The following PTPRC variants were observed in gnomAD, a reference collection of about 807,000 sequenced individuals.
PTPRC encodes receptor-type tyrosine-protein phosphatase C.
A neutral mutation model predicts 155.9 loss-of-function variants in PTPRC; 44 were observed. The observed-to-expected ratio is 0.28, with a 90% CI of 0.22 to 0.36. PTPRC has a LOEUF of 0.36. Among genes scored for constraint, PTPRC ranks in the 10% least tolerant of loss-of-function variants. The pLI is 1.00. For synonymous variants in PTPRC, 525 were observed against 533.1 expected (o/e 0.98, Z 0.21); for missense variants, 1,401 against 1,564.6 (o/e 0.90, Z 1.76).
chr1:198,730,900 A>T (rs1014151882), intron 17 of PTPRC, among the ~76,000 whole-genome samples: 4 of 152,172 alleles, frequency 2.6e-5, no homozygotes. Flanking sequence ...AATTAATATG[A>T]TTACTGAAAG....
intron 12 of PTPRC, among the ~76,000 whole-genome samples, chr1:198,715,722 C>T (rs1401061030): frequency 6.6e-6 from 1 of 151,706 alleles, no homozygotes; most frequent in Non-Finnish European, 1.5e-5. Context: ...ATAGTGAGTA[C>T]CAACTAATAG....
chr1:198,724,536 C>CA (rs1318456196), intron 15 of PTPRC, among the ~76,000 whole-genome samples: 3 of 151,956 alleles, frequency 2.0e-5, no homozygotes, highest in Admixed American at 6.5e-5. Flanking sequence ...TTCTCCCATA[C>CA]AAAAAAAATT....
rs756815638 is a variant in PTPRC at position 198,666,240 on chromosome 1, CAAAA to C, written c.74-26090_74-26087del. On this transcript the variant is annotated intron_variant, in intron 2 of 32. Transcript: ENST00000442510. ...TGGGCAACAGAGCAAGACCCTGTCT[CAAAA>C]AAAAAAAAAAAAAAAAGAGAGATGT... Among the ~76,000 whole-genome samples, 14 of 101,748 alleles carry C rather than the reference CAAAA, an allele frequency of 1.4e-4. No individual in the cohort carries two copies. The South Asian group carries it at 1.7e-3, about 12-fold the overall frequency. The allele number at this position is 101,748 out of a possible 152,430, so 66.8% of individuals were successfully genotyped here.
intron 28 of PTPRC, 51 bp downstream of exon 28, chr1:198,749,600 T>C (rs775631586): frequency 6.4e-7 from 1 of 1,564,986 alleles, no homozygotes; most frequent in Admixed American, 1.7e-5. Context: ...TAAAATAATA[T>C]CTATGTTATT....
chr1:198,728,595 A>G (rs1488310916), intron 16 of PTPRC, 147 bp downstream of exon 16: 1 of 909,618 alleles, frequency 1.1e-6, no homozygotes, highest in Non-Finnish European at 1.6e-6. Flanking sequence ...ACAACTTTTA[A>G]TCAAAAACTT....
At chr1:198,694,973 G>A (rs3767747) in intron 3 of PTPRC, 187,841 of 976,886 alleles carry the variant, frequency 0.19, 20,056 homozygotes, top group African/African-American at 0.42. Context: ...ATTTGGTTAT[G>A]AAAATCTAGA....
In PTPRC at chr1:198,696,725, A is replaced by G. The variant is rs917339656; in HGVS notation, c.114A>G (p.Ala38=). 6 of 1,613,652 alleles carry G rather than the reference A, an allele frequency of 3.7e-6. No individual in the cohort carries two copies. In the African/African-American group the frequency reaches 8.0e-5, roughly 22 times the overall value. The stretch of plus-strand genomic sequence containing the variant: ...ATTAATTAACAGGATTGACTACAGC[A>G]AAGATGCCCAGTGTTCCACTTTCAA... ...PTPSPTGLTT[A]KMPSVPLSSD... Residue 38 remains alanine, a synonymous_variant, in exon 4 of 33, where the codon GCA becomes GCG. Coordinates refer to ENST00000442510, the MANE Select transcript of PTPRC (RefSeq NM_002838.5).
In PTPRC at chr1:198,708,123, T is replaced by G. The variant is rs375045983; in HGVS notation, c.905-10T>G. ...TACTAATCAAGTTTATTTCTGTATC[T>G]TCTTGTCAGGGGTTGAAAAGTTTCA... On this transcript the variant is annotated splice_polypyrimidine_tract_variant and intron_variant, in intron 9 of 32. Transcript: ENST00000442510. 42 of 1,597,766 alleles carry G rather than the reference T, an allele frequency of 2.6e-5. No individual in the cohort carries two copies. Among genetic ancestry groups the G allele is most frequent in the African/African-American group, 5.4e-5 (4 of 74,500 alleles).
At chr1:198,702,268 A>C in intron 5 of PTPRC, 119 bp from the exon 6 acceptor site, 5 of 1,279,940 alleles carry the variant, frequency 3.9e-6, no homozygotes, top group Non-Finnish European at 4.6e-6. Context: ...GTATAGCAGA[A>C]GTGCTTGAAG....
Position 198,742,376 on chromosome 1 carries a change from T to C in PTPRC, c.2697+9T>C, listed in dbSNP as rs751738626. ...TGATGGTTCAAGTAGAGGTATGTTC[T>C]AACCTTTAGTGATTATTCTCACTTT... is the stretch of plus-strand genomic sequence containing the variant. On this transcript the variant is annotated intron_variant, in intron 25 of 32. Transcript: ENST00000442510. 2 of 1,611,558 alleles carry C rather than the reference T, an allele frequency of 1.2e-6. No homozygotes were observed. Among genetic ancestry groups the C allele is most frequent in the Non-Finnish European group, 1.7e-6 (2 of 1,178,304 alleles).
intron 5 of PTPRC, among the ~76,000 whole-genome samples, chr1:198,702,173 A>G (rs538715345): frequency 1.3e-5 from 2 of 152,340 alleles, no homozygotes; most frequent in South Asian, 4.1e-4. Context: ...GAAGCTGCAT[A>G]GGTTTCCAGT....
In PTPRC at chr1:198,754,296, T is replaced by C. The variant is rs191520732; in HGVS notation, c.3537T>C (p.Phe1179=). 6.2e-6 allele frequency: 10 copies of C among 1,611,618 alleles called. No homozygotes were observed. The South Asian group carries it at 8.8e-5, about 14-fold the overall frequency. ...CRDGSQQTGI[F]CALLNLLESA... ...ATGGATCTCAGCAAACGGGAATATT[T>C]TGTGCTTTGTTAAATCTCTTAGAAA... Residue 1179 remains phenylalanine (F), a synonymous_variant, in exon 32 of 33, where the codon TTT becomes TTC. Transcript: ENST00000442510.
At chr1:198,642,313 C>A (rs12401369) in intron 2 of PTPRC, among the ~76,000 whole-genome samples, 59,149 of 151,704 alleles carry the variant, frequency 0.39, 11,967 homozygotes, top group East Asian at 0.68. Flanking sequence ...TGTAGATACT[C>A]ACACATAAAC....
intron 30 of PTPRC, 68 bp downstream of exon 30, chr1:198,752,439 T>A: frequency 6.3e-7 from 1 of 1,583,860 alleles, no homozygotes; most frequent in South Asian, 1.1e-5. Context: ...GAATATAAAT[T>A]ACTCTATGCA....
chr1:198,656,705 G>C (rs1663598205), intron 2 of PTPRC, among the ~76,000 whole-genome samples: 1 of 145,972 alleles, frequency 6.9e-6, no homozygotes, highest in African/African-American at 2.6e-5. Context: ...GAAGTTTACT[G>C]ATCTGTAGTT....
chr1:198,708,880 T>C (rs1412200433), intron 10 of PTPRC, among the ~76,000 whole-genome samples: 2 of 152,220 alleles, frequency 1.3e-5, no homozygotes, highest in Non-Finnish European at 2.9e-5. Flanking sequence ...TGCCAGGCCA[T>C]AGCTGGCATG....
In PTPRC at chr1:198,754,326, G is replaced by A. The variant is rs527663021; in HGVS notation, c.3567G>A (p.Ala1189=). The change falls in exon 32 of 33, where the codon GCG becomes GCA. Residue 1189 remains alanine (A), a synonymous_variant. Coordinates refer to ENST00000442510, the MANE Select transcript of PTPRC (RefSeq NM_002838.5). ...FCALLNLLES[A]ETEEVVDIFQ... The stretch of plus-strand genomic sequence containing the variant: ...CTTTGTTAAATCTCTTAGAAAGTGC[G>A]GAAACAGAAGAGGTAGTGGATATTT... 55 of 1,612,322 alleles carry A rather than the reference G, an allele frequency of 3.4e-5. No individual in the cohort carries two copies. The highest frequency in any genetic ancestry group is 2.0e-4 in the African/African-American group (15 of 74,830).
intron 4 of PTPRC, among the ~76,000 whole-genome samples, chr1:198,697,885 A>T (rs986760376): frequency 6.6e-6 from 1 of 152,222 alleles, no homozygotes; most frequent in African/African-American, 2.4e-5. Context: ...ATAAATGGTC[A>T]GTGCCTTCCT....
chr1:198,642,484 A>T (rs542631867), intron 2 of PTPRC, among the ~76,000 whole-genome samples: 1 of 151,910 alleles, frequency 6.6e-6, no homozygotes, highest in African/African-American at 2.4e-5. Context: ...GTTACGTATC[A>T]TTGCCTACTA....
Sources: gnomAD v4.1 joint callset for allele counts (sites outside exome capture counted in the v4.1 genomes callset) on GRCh38, gnomAD v4.1.1 for gene constraint, MANE v1.5 for transcripts, NCBI Gene and HGNC (gene_info 2026-07-23, HGNC 2026-07-21) for gene names.